NCAPD2: variants seen among roughly 807,000 people sequenced by gnomAD.
The protein encoded by NCAPD2 is condensin complex subunit 1.
Under a neutral mutation model 164.5 loss-of-function variants are expected in NCAPD2, and 100 were observed. The observed-to-expected ratio is 0.61, with a 90% CI of 0.52 to 0.72. The LOEUF is 0.72. NCAPD2 is among the 30% of genes least tolerant of loss of function. The probability of loss-of-function intolerance (pLI) is 0.00; values close to 1 mark genes in which losing one functional copy is unlikely to be tolerated. For synonymous variants in NCAPD2, 585 were observed against 642.6 expected (o/e 0.91, Z 1.36); for missense variants, 1,560 against 1,749.2 (o/e 0.89, Z 1.93).
intron 17 of NCAPD2, among the ~76,000 whole-genome samples, chr12:6,525,307 A>G (rs375076713): frequency 7.2e-5 from 11 of 152,100 alleles, no homozygotes; most frequent in Middle Eastern, 3.2e-3. Context: ...CCTGTTAGAA[A>G]TCTCCAGACT....
At chr12:6,504,206 T>TATACATATATAC (rs1946073657) in intron 2 of NCAPD2, among the ~76,000 whole-genome samples, 2 of 25,240 alleles carry the variant, frequency 7.9e-5, no homozygotes, top group African/African-American at 7.1e-4. Context: ...TATATATATA[T>TATACATATATAC]ATATATATAT....
chr12:6,510,987 A>T, intron 5 of NCAPD2, 123 bp from the exon 6 acceptor site: 1 of 1,310,578 alleles, frequency 7.6e-7, no homozygotes, highest in Non-Finnish European at 1.1e-6. Context: ...GGAACTTGTA[A>T]TATTTCTTCC....
At chr12:6,508,895 A>G (rs1946120990) in intron 2 of NCAPD2, among the ~76,000 whole-genome samples, 1 of 152,114 alleles carries the variant, frequency 6.6e-6, no homozygotes, top group Admixed American at 6.6e-5. Context: ...CATAACTTCA[A>G]TATAATCGCG....
At chr12:6,506,001 C>T (rs1592167131) in intron 2 of NCAPD2, among the ~76,000 whole-genome samples, 1 of 152,006 alleles carries the variant, frequency 6.6e-6, no homozygotes, top group South Asian at 2.1e-4. Flanking sequence ...CACTGTCACC[C>T]AGCCTGGAGT....
intron 21 of NCAPD2, 22 bp from the exon 22 acceptor site, chr12:6,526,869 C>T: frequency 6.3e-7 from 1 of 1,584,738 alleles, no homozygotes; most frequent in Non-Finnish European, 8.6e-7. Context: ...TTTGCCCCAC[C>T]TTCCCTCTCC....
intron 1 of NCAPD2, among the ~76,000 whole-genome samples, chr12:6,494,756 G>C (rs1002986437): frequency 2.6e-5 from 4 of 152,308 alleles, no homozygotes; most frequent in Admixed American, 2.6e-4. Context: ...ACTTTGTGAA[G>C]TAATCAGAGT....
intron 2 of NCAPD2, among the ~76,000 whole-genome samples, chr12:6,505,641 T>G (rs546242507): frequency 6.6e-6 from 1 of 152,140 alleles, no homozygotes; most frequent in Non-Finnish European, 1.5e-5. Flanking sequence ...GAGTTCAAGA[T>G]CAGCCTGGCC....
Position 6,528,360 on chromosome 12 carries a change from C to T in NCAPD2, c.3299+32C>T, listed in dbSNP as rs766381302. ...GACCCCTCACAACGTGGTGGCAGTT[C>T]CCAGGAGCCCCGGAGTCTGTTGAGA... On this transcript the variant is annotated intron_variant, in intron 25 of 31. Transcript: ENST00000315579. The surrounding 1 kb of genome is among the most constrained non-coding windows in gnomAD (Gnocchi z 5.1). 3 of 1,612,160 alleles carry T rather than the reference C, an allele frequency of 1.9e-6. No homozygotes were observed. The South Asian group carries it at 3.3e-5, about 18-fold the overall frequency.
At position 6,526,942 on chromosome 12, in the gene NCAPD2, T is replaced by A. The variant is rs1946323248; in HGVS notation, c.2786T>A (p.Leu929Gln). The change falls in exon 22 of 32, where the codon CTG becomes CAG. Residue 929 changes from leucine to glutamine, a missense_variant. Physicochemically the swap from Leu to Gln is moderately radical, Grantham distance 113. Coordinates refer to ENST00000315579, the MANE Select transcript of NCAPD2 (RefSeq NM_014865.4). ...TTCCTGTTGATGAACCTGCTGTCCC[T>A]GGCTGGGGATGTGGCTCTGCAGCAG... ...PTFLLMNLLS[L>Q]AGDVALQQLV... 1 of 1,614,156 alleles carries A rather than the reference T, an allele frequency of 6.2e-7. No individual in the cohort carries two copies. Among genetic ancestry groups the A allele is most frequent in the Non-Finnish European group, 8.5e-7 (1 of 1,180,014 alleles).
At chr12:6,513,532 G>A (rs1197970981) in intron 6 of NCAPD2, among the ~76,000 whole-genome samples, 1 of 151,948 alleles carries the variant, frequency 6.6e-6, no homozygotes, top group Admixed American at 6.6e-5. Flanking sequence ...AGAGTCTGAG[G>A]AGGAACTAGC....
intron 9 of NCAPD2, 111 bp from the exon 10 acceptor site, chr12:6,516,717 C>T: frequency 9.5e-7 from 1 of 1,047,676 alleles, no homozygotes; most frequent in African/African-American, 1.6e-5. Context: ...CAGCTTTCTC[C>T]TGTGACCTTG....
At chr12:6,496,517 C>A (rs1945986045) in intron 2 of NCAPD2, among the ~76,000 whole-genome samples, 1 of 152,194 alleles carries the variant, frequency 6.6e-6, no homozygotes, top group Non-Finnish European at 1.5e-5. Context: ...CTCAACTTCC[C>A]AGACTCAAGC....
chr12:6,494,756 G>A (rs1002986437), intron 1 of NCAPD2, among the ~76,000 whole-genome samples: 1 of 152,308 alleles, frequency 6.6e-6, no homozygotes. Flanking sequence ...ACTTTGTGAA[G>A]TAATCAGAGT....
chr12:6,517,405 C>G lies in NCAPD2; in HGVS notation c.1226C>G (p.Ala409Gly), dbSNP rs1209521325. 6.2e-7 allele frequency: 1 copy of G among 1,614,212 alleles called. No homozygotes were observed. Among genetic ancestry groups the G allele is most frequent in the Non-Finnish European group, 8.5e-7 (1 of 1,180,044 alleles). The change falls in exon 11 of 32, where the codon GCT becomes GGT. Residue 409 changes from alanine to glycine, a missense_variant. Transcript: ENST00000315579. The stretch of plus-strand genomic sequence containing the variant: ...CGTTTCCAGGCAGTGGTGGCTTTAG[C>G]TGTGGGACGTCTGGCAGACAAGTCA... ...LTRFQAVVAL[A>G]VGRLADKSVL...
intron 9 of NCAPD2, among the ~76,000 whole-genome samples, chr12:6,516,285 C>T (rs1003266159): frequency 1.3e-5 from 2 of 149,928 alleles, no homozygotes; most frequent in African/African-American, 4.9e-5. Flanking sequence ...GGGTGGATCA[C>T]GAGGTCAGGA....
chr12:6,524,390 C>T (rs1946295217), intron 17 of NCAPD2, among the ~76,000 whole-genome samples: 1 of 152,034 alleles, frequency 6.6e-6, no homozygotes. Flanking sequence ...TCTGTAATCC[C>T]AGCACTTTGG....
At chr12:6,526,691 C>T in intron 21 of NCAPD2, 76 bp downstream of exon 21, 1 of 1,544,112 alleles carries the variant, frequency 6.5e-7, no homozygotes, top group Admixed American at 1.8e-5. Context: ...ACTGCCACCA[C>T]CACTATCTGC....
chr12:6,504,757 A>G (rs1359064145), intron 2 of NCAPD2, among the ~76,000 whole-genome samples: 1 of 152,154 alleles, frequency 6.6e-6, no homozygotes, highest in Non-Finnish European at 1.5e-5. Flanking sequence ...GCTAGAGGAA[A>G]TGTTATTAAG....
At position 6,522,003 on chromosome 12, in the gene NCAPD2, C is replaced by A. The variant is rs917634; in HGVS notation, c.1920C>A (p.Ile640=). 747,596 of 1,613,514 alleles carry A rather than the reference C, an allele frequency of 0.46. 175,564 individuals carry two copies. Among genetic ancestry groups the A allele is most frequent in the Admixed American group, 0.59 (35,580 of 60,020 alleles). ...GGAAGATTACAGAGGCCATTGGCAT[C>A]ATCAGCAAGATGATGTATGAAAACA... ...FSRKITEAIG[I]ISKMMYENTT... Residue 640 remains isoleucine, a synonymous_variant, in exon 15 of 32, where the codon ATC becomes ATA. Transcript: ENST00000315579.
Sources: gnomAD v4.1 joint callset for allele counts (sites outside exome capture counted in the v4.1 genomes callset) on GRCh38, gnomAD v4.1.1 for gene constraint, Gnocchi (gnomAD v3.1) non-coding constraint, MANE v1.5 for transcripts, NCBI Gene and HGNC (gene_info 2026-07-23, HGNC 2026-07-21) for gene names.